The following TSPAN12 variants were observed in gnomAD, a reference collection of about 807,000 sequenced individuals.
The protein encoded by TSPAN12 is tetraspanin-12.
In TSPAN12, 19 loss-of-function variants were observed where a neutral mutation model predicts 39.2. The ratio of observed to expected loss-of-function variants is 0.49; its 90% confidence interval spans 0.34 to 0.71. The LOEUF (loss-of-function observed/expected upper bound fraction) is 0.71. Among genes scored for constraint, TSPAN12 ranks in the 30% least tolerant of loss-of-function variants. TSPAN12 has a pLI of 0.01. For missense variants in TSPAN12, 314 were observed against 359.9 expected, an observed-to-expected ratio of 0.87 and a Z score of 1.03; for synonymous variants, 119 against 124.8, an observed-to-expected ratio of 0.95 and a Z score of 0.31.
chr7:120,792,448 C>A (rs1374944552), intron 7 of TSPAN12, among the ~76,000 whole-genome samples: 1 of 152,162 alleles, frequency 6.6e-6, no homozygotes, highest in Admixed American at 6.5e-5. Context: ...GGGGGCTTGA[C>A]AAGCTCTGAC....
At chr7:120,827,564 C>T (rs970987086) in intron 4 of TSPAN12, among the ~76,000 whole-genome samples, 1 of 152,062 alleles carries the variant, frequency 6.6e-6, no homozygotes, top group Non-Finnish European at 1.5e-5. Context: ...GTAATTCAGT[C>T]TAAATGATAG....
intron 5 of TSPAN12, among the ~76,000 whole-genome samples, chr7:120,811,950 G>A (rs923252491): frequency 6.6e-6 from 1 of 152,114 alleles, no homozygotes; most frequent in East Asian, 1.9e-4. Context: ...TGGGTACAGT[G>A]TACACTGCTC....
At chr7:120,824,119 G>A (rs1004198784) in intron 4 of TSPAN12, among the ~76,000 whole-genome samples, 1 of 152,120 alleles carries the variant, frequency 6.6e-6, no homozygotes, top group African/African-American at 2.4e-5. Flanking sequence ...TATAAAAAAT[G>A]TATACCCAGG....
chr7:120,806,773 A>T lies in TSPAN12; in HGVS notation c.469-81T>A, dbSNP rs370279775. 22 of 1,567,136 alleles carry T rather than the reference A, an allele frequency of 1.4e-5. No individual in the cohort carries two copies. In the East Asian group the frequency reaches 2.6e-4, roughly 18 times the overall value. On this transcript the variant is annotated intron_variant, in intron 6 of 7. Transcript: ENST00000222747. ...ATAGGAGATTAAACATCAGTTTTTT[A>T]AAATTTTTGTACCCAGAGCTATATC...
intron 7 of TSPAN12, among the ~76,000 whole-genome samples, chr7:120,794,231 T>C (rs181316376): frequency 2.6e-5 from 4 of 152,358 alleles, no homozygotes; most frequent in Admixed American, 2.6e-4. Context: ...TTCTCTATAG[T>C]ACATGCAATT....
intron 2 of TSPAN12, among the ~76,000 whole-genome samples, chr7:120,849,689 T>C (rs775397414): frequency 6.6e-6 from 1 of 152,252 alleles, no homozygotes; most frequent in Non-Finnish European, 1.5e-5. Flanking sequence ...TAATTTTTAT[T>C]GGCTAATCTT....
At chr7:120,811,471 A>G (rs1043953724) in intron 5 of TSPAN12, among the ~76,000 whole-genome samples, 3 of 152,080 alleles carry the variant, frequency 2.0e-5, no homozygotes, top group African/African-American at 7.2e-5. Context: ...GATCGAGACC[A>G]TCCTGGCTAA....
chr7:120,799,910 A>G (rs1188389559), intron 7 of TSPAN12, among the ~76,000 whole-genome samples: 1 of 143,240 alleles, frequency 7.0e-6, no homozygotes, highest in African/African-American at 2.6e-5. Context: ...TAATATATTT[A>G]TTATATTAAA....
intron 2 of TSPAN12, among the ~76,000 whole-genome samples, chr7:120,845,016 T>C (rs191023593): frequency 3.4e-4 from 52 of 152,266 alleles, no homozygotes; most frequent in Admixed American, 3.4e-3. Flanking sequence ...GGCTCCCAAG[T>C]CTTAACTGTT....
At chr7:120,820,058 A>G (rs753297962) in intron 4 of TSPAN12, among the ~76,000 whole-genome samples, 28 of 152,124 alleles carry the variant, frequency 1.8e-4, no homozygotes, top group Non-Finnish European at 3.7e-4. Context: ...ATCTCCCCTG[A>G]TGGTGGCAGC....
At chr7:120,823,317 G>A (rs947177873) in intron 4 of TSPAN12, among the ~76,000 whole-genome samples, 16 of 151,328 alleles carry the variant, frequency 1.1e-4, no homozygotes, top group Non-Finnish European at 2.4e-4. Context: ...ATATATATTC[G>A]ATGAAATGCC....
intron 4 of TSPAN12, among the ~76,000 whole-genome samples, chr7:120,822,242 C>A (rs531157828): frequency 6.6e-6 from 1 of 152,178 alleles, no homozygotes; most frequent in South Asian, 2.1e-4. Context: ...TTTAACATCA[C>A]TATATGTACA....
chr7:120,818,649 A>T (rs1794130614), intron 4 of TSPAN12, among the ~76,000 whole-genome samples: 1 of 152,096 alleles, frequency 6.6e-6, no homozygotes, highest in Admixed American at 6.6e-5. Flanking sequence ...AAAAATAAAG[A>T]ATATATAACT....
rs562598911 is a variant in TSPAN12 at position 120,823,621 on chromosome 7, TTCATCTTCCATAAGGGGAAGCCAA to T, written c.286-7842_286-7819del. 3.3e-5 allele frequency among the ~76,000 whole-genome samples: 5 copies of T among 152,222 alleles called. No individual in the cohort carries two copies. The South Asian group carries it at 1.0e-3, about 32-fold the overall frequency. On this transcript the variant is annotated intron_variant, in intron 4 of 7. Transcript: ENST00000222747. ...GCACAGCAGGAAAGGGTGCCAGTTC[TTCATCTTCCATAAGGGGAAGCCAA>T]TGGATAGTGCCCAAAACTAAAAACT...
intron 4 of TSPAN12, among the ~76,000 whole-genome samples, chr7:120,828,668 T>C (rs1316450331): frequency 9.3e-5 from 14 of 149,966 alleles, no homozygotes; most frequent in Admixed American, 7.9e-4. Context: ...TTTTTTTTTT[T>C]TTTTTTTTTA....
intron 2 of TSPAN12, among the ~76,000 whole-genome samples, chr7:120,846,411 T>C (rs1794670653): frequency 6.6e-6 from 1 of 152,270 alleles, no homozygotes; most frequent in African/African-American, 2.4e-5. Flanking sequence ...TTAGCCAGTT[T>C]TCAGTAACAC....
intron 7 of TSPAN12, among the ~76,000 whole-genome samples, chr7:120,796,328 C>G (rs1027234765): frequency 1.3e-5 from 2 of 152,174 alleles, no homozygotes; most frequent in Non-Finnish European, 2.9e-5. Flanking sequence ...GCAGCACAAA[C>G]GCACATAACC....
chr7:120,799,540 A>AAT (rs1793706582), intron 7 of TSPAN12, among the ~76,000 whole-genome samples: 2 of 108,308 alleles, frequency 1.8e-5, no homozygotes, highest in African/African-American at 8.0e-5. Context: ...ATAATTATAT[A>AAT]TAATTATATA....
intron 4 of TSPAN12, among the ~76,000 whole-genome samples, chr7:120,829,838 A>G (rs1794358482): frequency 6.6e-6 from 1 of 152,178 alleles, no homozygotes; most frequent in Non-Finnish European, 1.5e-5. Context: ...AATCTATAAT[A>G]AGGTTTAAAA....
Sources: gnomAD v4.1 joint callset for allele counts (sites outside exome capture counted in the v4.1 genomes callset) on GRCh38, gnomAD v4.1.1 for gene constraint, MANE v1.5 for transcripts, NCBI Gene and HGNC (gene_info 2026-07-23, HGNC 2026-07-21) for gene names.